Variants in NLRP8 observed in about 807,000 individuals in gnomAD.
NLRP8 encodes NLR family pyrin domain containing 8.
NLRP8 carries 86 observed loss-of-function variants against 88.7 expected under a neutral mutation model. The ratio of observed to expected loss-of-function variants is 0.97; its 90% confidence interval spans 0.81 to 1.16. The LOEUF (loss-of-function observed/expected upper bound fraction) is 1.16. Among genes scored for constraint, NLRP8 ranks in the 50% most tolerant of loss-of-function variants. The pLI is 0.00. For missense variants in NLRP8, 1,342 were observed against 1,286.5 expected (o/e 1.04, Z -0.66); for synonymous variants, 504 against 494.6 (o/e 1.02, Z -0.25).
At chr19:55,971,681 T>C (rs1980081474) in intron 6 of NLRP8, among the ~76,000 whole-genome samples, 1 of 144,918 alleles carries the variant, frequency 6.9e-6, no homozygotes, top group African/African-American at 2.6e-5. Flanking sequence ...ACACACACAC[T>C]GTGATGAACA....
Position 55,948,274 on chromosome 19 carries a change from G to T in NLRP8, c.367+5G>T. ...TAGTCCGCAGAGAGATAAATGGTGA[G>T]TGTTGATCTGGTGGATAAAGTGGGG... On this transcript the variant is annotated splice_donor_5th_base_variant and intron_variant, in intron 1 of 9. Transcript: ENST00000291971. The T allele has an allele frequency of 3.1e-6, 5 of 1,603,134 alleles. No individual in the cohort carries two copies. Among genetic ancestry groups the T allele is most frequent in the Non-Finnish European group, 4.3e-6 (5 of 1,171,614 alleles).
chr19:55,976,119 G>A lies in NLRP8; in HGVS notation c.2706-14G>A, dbSNP rs1379571017. The A allele has an allele frequency of 1.3e-6, 2 of 1,575,450 alleles. No individual in the cohort carries two copies. Among genetic ancestry groups the A allele is most frequent in the Non-Finnish European group, 1.7e-6 (2 of 1,164,604 alleles). ...TTGTTGTTGTTGTTGTTTTTAACCT[G>A]TGTTTCTTTGCAGACTGAGAAAGTG... On this transcript the variant is annotated splice_polypyrimidine_tract_variant and intron_variant, in intron 7 of 9. Coordinates refer to ENST00000291971, the MANE Select transcript of NLRP8 (RefSeq NM_176811.2).
Position 55,973,827 on chromosome 19 carries a change from G to A in NLRP8, c.2705+5G>A. 1 of 1,604,186 alleles carries A rather than the reference G, an allele frequency of 6.2e-7. No homozygotes were observed. The highest frequency in any genetic ancestry group is 8.5e-7 in the Non-Finnish European group (1 of 1,173,054). On this transcript the variant is annotated splice_donor_5th_base_variant and intron_variant, in intron 7 of 9. Transcript: ENST00000291971. ...ATGTCCTCTGCAGAGGCTGGTGTAA[G>A]TCCCAGAATGTTTTCTTCTCTGAAT...
intron 5 of NLRP8, among the ~76,000 whole-genome samples, chr19:55,968,812 A>T (rs1187828564): frequency 6.6e-6 from 1 of 152,244 alleles, no homozygotes; most frequent in Non-Finnish European, 1.5e-5. Flanking sequence ...GTAGAAAACC[A>T]AGTGGCACTC....
chr19:55,981,322 T>G (rs915306899), intron 9 of NLRP8, among the ~76,000 whole-genome samples, 164 bp downstream of exon 10: 1 of 151,826 alleles, frequency 6.6e-6, no homozygotes, highest in African/African-American at 2.4e-5. Context: ...TGGGAACTGG[T>G]GTAGGGCATG....
intron 2 of NLRP8, among the ~76,000 whole-genome samples, chr19:55,953,478 ATTTCTTTC>A (rs576779130): frequency 4.3e-4 from 63 of 147,312 alleles, no homozygotes; most frequent in East Asian, 1.2e-3. Context: ...GTGTGTCTCT[ATTTCTTTC>A]TTTCTTTCTT....
intron 4 of NLRP8, among the ~76,000 whole-genome samples, chr19:55,963,041 T>C (rs1979685764): frequency 6.6e-6 from 1 of 151,752 alleles, no homozygotes; most frequent in African/African-American, 2.4e-5. Flanking sequence ...TAAAACAGAG[T>C]CTCACTTTGT....
At chr19:55,972,114 ATT>A (rs60245156) in intron 6 of NLRP8, among the ~76,000 whole-genome samples, 24,988 of 128,194 alleles carry the variant, frequency 0.19, 1,991 homozygotes, top group African/African-American at 0.25. Context: ...CTATGTTTTA[ATT>A]TTTTTTTTTT....
At chr19:55,984,290 A>C (rs1980702394) in intron 9 of NLRP8, among the ~76,000 whole-genome samples, 1 of 152,176 alleles carries the variant, frequency 6.6e-6, no homozygotes, top group Non-Finnish European at 1.5e-5. Context: ...ATTACTATGT[A>C]CTATTAAGCA....
intron 7 of NLRP8, among the ~76,000 whole-genome samples, chr19:55,974,217 G>A (rs1326882338): frequency 2.0e-5 from 3 of 150,866 alleles, no homozygotes; most frequent in East Asian, 1.9e-4. Flanking sequence ...AGAGAAAACA[G>A]ACCTGAGAGG....
intron 9 of NLRP8, among the ~76,000 whole-genome samples, chr19:55,981,105 G>A (rs1980553738): frequency 6.6e-6 from 1 of 152,192 alleles, no homozygotes; most frequent in South Asian, 2.1e-4. Context: ...AAGACTGGAG[G>A]GCCCTGTAGT....
At chr19:55,961,341 G>C (rs1979600216) in intron 3 of NLRP8, among the ~76,000 whole-genome samples, 1 of 152,058 alleles carries the variant, frequency 6.6e-6, no homozygotes, top group Admixed American at 6.5e-5. Context: ...TGCCAATCTA[G>C]CTCTGGATTT....
intron 9 of NLRP8, among the ~76,000 whole-genome samples, chr19:55,984,484 G>A (rs55975044): frequency 0.097 from 14,485 of 148,568 alleles, 1,770 homozygotes; most frequent in African/African-American, 0.26. Flanking sequence ...GAGAAACCCC[G>A]TCTCTACTAA....
intron 8 of NLRP8, 130 bp downstream of exon 8, chr19:55,976,433 A>C (rs967013673): frequency 2.6e-6 from 2 of 783,264 alleles, no homozygotes; most frequent in Admixed American, 3.9e-5. Flanking sequence ...GAATTGGAGA[A>C]CTGGGAAGCT....
intron 2 of NLRP8, 88 bp downstream of exon 2, chr19:55,952,700 T>A: frequency 1.1e-6 from 1 of 947,094 alleles, no homozygotes; most frequent in Non-Finnish European, 1.7e-6. Context: ...AGCCAGATTT[T>A]AAGTTACCAT....
chr19:55,981,431 C>G (rs886179666), intron 9 of NLRP8, among the ~76,000 whole-genome samples: 1 of 152,204 alleles, frequency 6.6e-6, no homozygotes, highest in Non-Finnish European at 1.5e-5. Flanking sequence ...TTCCAACCCA[C>G]ATCTACTCCT....
intron 1 of NLRP8, among the ~76,000 whole-genome samples, chr19:55,951,149 C>T (rs1389342660): frequency 6.6e-6 from 1 of 152,094 alleles, no homozygotes; most frequent in Non-Finnish European, 1.5e-5. Flanking sequence ...TTCCATGTTC[C>T]TCAGGGCAAG....
chr19:55,979,394 G>A lies in NLRP8; in HGVS notation c.2877G>A (p.Glu959=). Reference sequence around the variant, plus strand: ...TCTGCTGTCTGTTTCTGTGTCACAGGCTGGAAAACTGCCTGTTCACCTCCA... The same window carrying A: ...TCTGCTGTCTGTTTCTGTGTCACAGACTGGAAAACTGCCTGTTCACCTCCA... The change falls in exon 9 of 10, where the codon GAG becomes GAA. Residue 959 remains glutamate, a splice_region_variant and synonymous_variant. Coordinates refer to ENST00000291971, the MANE Select transcript of NLRP8 (RefSeq NM_176811.2). The A allele has an allele frequency of 6.2e-7, 1 of 1,613,416 alleles. No individual in the cohort carries two copies. Among genetic ancestry groups the A allele is most frequent in the Non-Finnish European group, 8.5e-7 (1 of 1,180,020 alleles).
chr19:55,958,862 T>C (rs1015551024), intron 3 of NLRP8, among the ~76,000 whole-genome samples: 3 of 151,134 alleles, frequency 2.0e-5, no homozygotes, highest in Admixed American at 2.0e-4. Flanking sequence ...GGGCCTATTT[T>C]TTGTTTTTTG....
Sources: gnomAD v4.1 joint callset for allele counts (sites outside exome capture counted in the v4.1 genomes callset) on GRCh38, gnomAD v4.1.1 for gene constraint, MANE v1.5 for transcripts, NCBI Gene and HGNC (gene_info 2026-07-23, HGNC 2026-07-21) for gene names.